The following GPRIN3 variants were observed in gnomAD, a reference collection of about 807,000 sequenced individuals.
GPRIN3 encodes the protein GPRIN family member 3.
Under a neutral mutation model 13.7 loss-of-function variants are expected in GPRIN3, and 12 were observed. The ratio of observed to expected loss-of-function variants is 0.87; its 90% CI spans 0.56 to 1.42. GPRIN3 has a LOEUF of 1.42. Among genes scored for constraint, GPRIN3 ranks in the 40% most tolerant of loss-of-function variants. The pLI, the probability that GPRIN3 is intolerant of heterozygous loss-of-function variation, is 0.00. For synonymous variants in GPRIN3, 377 were observed against 372.7 expected (o/e 1.01, Z -0.13); for missense variants, 1,009 against 958.7 (o/e 1.05, Z -0.69).
intron 1 of GPRIN3, among the ~76,000 whole-genome samples, chr4:89,264,415 G>A (rs1578087464): frequency 6.6e-6 from 1 of 152,268 alleles, no homozygotes; most frequent in East Asian, 1.9e-4. Flanking sequence ...GCAGAACTGT[G>A]AGTGAAATAA....
intron 1 of GPRIN3, among the ~76,000 whole-genome samples, chr4:89,268,556 T>C (rs1448101894): frequency 6.6e-6 from 1 of 152,202 alleles, no homozygotes; most frequent in Non-Finnish European, 1.5e-5. Context: ...CACAACTCAC[T>C]TCAAATAAAT....
intron 1 of GPRIN3, among the ~76,000 whole-genome samples, chr4:89,252,643 A>G (rs1723359862): frequency 6.6e-6 from 1 of 152,238 alleles, no homozygotes; most frequent in South Asian, 2.1e-4. Flanking sequence ...GTGATCTACT[A>G]TCACATAAGA....
rs1561159026 is a variant in GPRIN3, at chr4:89,238,789, T to C, written c.*8991A>G. The stretch of plus-strand genomic sequence containing the variant: ...ATGGAAAATCAACTGATTCTGCACA[T>C]TCATGGTTAAAAGAACGATTTCAAT... On this transcript the variant is annotated 3_prime_UTR_variant, in exon 2 of 2. Coordinates refer to ENST00000609438, the MANE Select transcript of GPRIN3 (RefSeq NM_198281.3). 6.6e-6 allele frequency: 1 copy of C among 152,152 alleles called. No homozygotes were observed. Among genetic ancestry groups the C allele is most frequent in the South Asian group, 2.1e-4 (1 of 4,828 alleles). The allele number at this position is 152,152 out of a possible 1,614,324, so 9.4% of individuals were successfully genotyped here. A position where few individuals can be genotyped will look rare whatever the true frequency, so the allele number is the denominator to read the frequency against.
chr4:89,279,308 T>C (rs1314362655), intron 1 of GPRIN3, among the ~76,000 whole-genome samples: 1 of 152,188 alleles, frequency 6.6e-6, no homozygotes, highest in Non-Finnish European at 1.5e-5. Flanking sequence ...ATGTCCCAAC[T>C]TTTTCCTGTC....
chr4:89,261,126 C>A (rs1440705389), intron 1 of GPRIN3, among the ~76,000 whole-genome samples: 1 of 152,000 alleles, frequency 6.6e-6, no homozygotes, highest in African/African-American at 2.4e-5. Context: ...TTAATATGAT[C>A]AAGAGGAGCT....
At chr4:89,305,991 G>GGGAA (rs1725023856) in intron 1 of GPRIN3, among the ~76,000 whole-genome samples, 12 of 152,114 alleles carry the variant, frequency 7.9e-5, no homozygotes, top group Admixed American at 7.9e-4. Context: ...GGCTCTCCAT[G>GGGAA]AGTTCCTCTG....
chr4:89,266,473 A>G (rs1011458678), intron 1 of GPRIN3, among the ~76,000 whole-genome samples: 5 of 152,226 alleles, frequency 3.3e-5, no homozygotes, highest in Admixed American at 6.5e-5. Flanking sequence ...CTACAATTAT[A>G]TTATATAAAA....
At position 89,241,359 on chromosome 4, in the gene GPRIN3, G is replaced by T. The variant is rs908852859; in HGVS notation, c.*6421C>A. 3 of 151,950 alleles carry T rather than the reference G, an allele frequency of 2.0e-5. No homozygotes were observed. The highest frequency in any genetic ancestry group is 7.3e-5 in the African/African-American group (3 of 41,346). The allele number at this position is 151,950 out of a possible 1,614,324, so 9.4% of individuals were successfully genotyped here. A position where few individuals can be genotyped will look rare whatever the true frequency, so the allele number is the denominator to read the frequency against. Reference sequence around the variant, plus strand: ...AGAAATTGGCCTTTAAATGGGATACGACAAGTTATTTTTTTTACACATAAA... The same window carrying T: ...AGAAATTGGCCTTTAAATGGGATACTACAAGTTATTTTTTTTACACATAAA... On this transcript the variant is annotated 3_prime_UTR_variant, in exon 2 of 2. Coordinates refer to ENST00000609438, the MANE Select transcript of GPRIN3 (RefSeq NM_198281.3).
chr4:89,277,316 C>T (rs1239752045), intron 1 of GPRIN3, among the ~76,000 whole-genome samples: 1 of 152,170 alleles, frequency 6.6e-6, no homozygotes, highest in East Asian at 1.9e-4. Flanking sequence ...GAGTGATGTG[C>T]AGGAGTGGAA....
At chr4:89,267,463 C>T (rs1156772610) in intron 1 of GPRIN3, among the ~76,000 whole-genome samples, 1 of 152,092 alleles carries the variant, frequency 6.6e-6, no homozygotes, top group African/African-American at 2.4e-5. Flanking sequence ...GTGAGGTACC[C>T]TTATTATATG....
chr4:89,270,431 A>G (rs1180134571), intron 1 of GPRIN3, among the ~76,000 whole-genome samples: 1 of 148,110 alleles, frequency 6.8e-6, no homozygotes, highest in Admixed American at 6.8e-5. Flanking sequence ...TGGAAATACA[A>G]ACGACTCATC....
intron 1 of GPRIN3, among the ~76,000 whole-genome samples, chr4:89,263,333 T>G (rs1307274761): frequency 6.6e-6 from 1 of 152,224 alleles, no homozygotes; most frequent in Non-Finnish European, 1.5e-5. Context: ...TTCTGATTGG[T>G]ATGTTCTCTT....
At position 89,238,861 on chromosome 4, in the gene GPRIN3, A is replaced by G. The variant is rs1343600835; in HGVS notation, c.*8919T>C. The G allele has an allele frequency of 6.6e-6, 1 of 152,208 alleles. No homozygotes were observed. Among genetic ancestry groups the G allele is most frequent in the Non-Finnish European group, 1.5e-5 (1 of 68,042 alleles). The allele number at this position is 152,208 out of a possible 1,614,324, so 9.4% of individuals were successfully genotyped here. A position where few individuals can be genotyped will look rare whatever the true frequency, so the allele number is the denominator to read the frequency against. On this transcript the variant is annotated 3_prime_UTR_variant, in exon 2 of 2. Coordinates refer to ENST00000609438, the MANE Select transcript of GPRIN3 (RefSeq NM_198281.3). ...ATCAACAAAAAACAGAATAAATTGT[A>G]TCTATATTACATTTATTATGAAAAG...
chr4:89,293,356 TAC>T (rs1436347397), intron 1 of GPRIN3, among the ~76,000 whole-genome samples: 1 of 152,226 alleles, frequency 6.6e-6, no homozygotes, highest in African/African-American at 2.4e-5. Flanking sequence ...TCCAGTTGGC[TAC>T]AAAGGAAATT....
At chr4:89,279,485 T>C (rs1005401075) in intron 1 of GPRIN3, among the ~76,000 whole-genome samples, 1 of 152,142 alleles carries the variant, frequency 6.6e-6, no homozygotes, top group Non-Finnish European at 1.5e-5. Context: ...TCCTTACAAC[T>C]CAACTTCTTA....
chr4:89,245,235 T>C lies in GPRIN3; in HGVS notation c.*2545A>G, dbSNP rs1040917515. The C allele has an allele frequency of 6.6e-6, 1 of 152,228 alleles. No homozygotes were observed. Among genetic ancestry groups the C allele is most frequent in the African/African-American group, 2.4e-5 (1 of 41,456 alleles). 9.4% of individuals were successfully genotyped at this position (152,228 alleles called of 1,614,324 possible). ...ATGTCCTTAAAAGCTGTTAGTTATA[T>C]AGGGTTTAATGAGCCACAAAACAAA... On this transcript the variant is annotated 3_prime_UTR_variant, in exon 2 of 2. Coordinates refer to ENST00000609438, the MANE Select transcript of GPRIN3 (RefSeq NM_198281.3).
chr4:89,260,826 A>C (rs1413731351), intron 1 of GPRIN3, among the ~76,000 whole-genome samples: 3 of 152,224 alleles, frequency 2.0e-5, no homozygotes, highest in Non-Finnish European at 2.9e-5. Context: ...AAGATAAAAT[A>C]ATCCCTTAAA....
In GPRIN3 at chr4:89,248,089, C is replaced by G; in HGVS notation, c.2022G>C (p.Gln674His). ...KKQLGADSKL[Q>H]LKQSKRVRDV... ...CCCTGACACGCTTGGACTGTTTCAG[C>G]TGGAGCTTGGAGTCTGCGCCAAGCT... is the stretch of plus-strand genomic sequence containing the variant. Residue 674 changes from glutamine (Q) to histidine (H), a missense_variant, in exon 2 of 2, where the codon CAG becomes CAC. Gln to His is a conservative substitution (Grantham distance 24). Coordinates refer to ENST00000609438, the MANE Select transcript of GPRIN3 (RefSeq NM_198281.3). 6.2e-7 allele frequency: 1 copy of G among 1,614,154 alleles called. No individual in the cohort carries two copies. Among genetic ancestry groups the G allele is most frequent in the Non-Finnish European group, 8.5e-7 (1 of 1,179,996 alleles).
rs369348195 is a variant in GPRIN3 at position 89,291,810 on chromosome 4, A to T, written c.-124+15805T>A. Among the ~76,000 whole-genome samples the T allele has an allele frequency of 4.8e-5, 7 of 146,470 alleles. No homozygotes were observed. The East Asian group carries it at 9.9e-4, about 21-fold the overall frequency. ...GTTCCAGTTGCTTCATATCCTTACC[A>T]ACACTTGGTACTGTCAGGGCTTTTT... On this transcript the variant is annotated intron_variant, in intron 1 of 1. Coordinates refer to ENST00000609438, the MANE Select transcript of GPRIN3 (RefSeq NM_198281.3).
Sources: gnomAD v4.1 joint callset for allele counts (sites outside exome capture counted in the v4.1 genomes callset) on GRCh38, gnomAD v4.1.1 for gene constraint, MANE v1.5 for transcripts, NCBI Gene and HGNC (gene_info 2026-07-23, HGNC 2026-07-21) for gene names.